Variants in DCTN4 observed in about 807,000 individuals in gnomAD.
DCTN4 encodes the protein dynactin 4 (p62).
In DCTN4, 23 loss-of-function variants were observed where a neutral mutation model predicts 62.7. That is an observed-to-expected ratio of 0.37 (90% CI 0.26 to 0.52). DCTN4 has a LOEUF of 0.52. Among genes scored for constraint, DCTN4 ranks in the 20% least tolerant of loss-of-function variants. The pLI is 0.92. For synonymous variants in DCTN4, 199 were observed against 202.1 expected, an observed-to-expected ratio of 0.98 and a Z score of 0.13; for missense variants, 514 against 580.4, an observed-to-expected ratio of 0.89 and a Z score of 1.18.
intron 4 of DCTN4, 93 bp downstream of exon 4, chr5:150,742,021 A>C: frequency 9.4e-7 from 1 of 1,058,708 alleles, no homozygotes. Context: ...ACTTATAAAC[A>C]CAGCTCATAT....
chr5:150,732,897 A>G (rs1760436261), intron 5 of DCTN4, among the ~76,000 whole-genome samples: 1 of 152,210 alleles, frequency 6.6e-6, no homozygotes, highest in Non-Finnish European at 1.5e-5. Context: ...CAAGTGCACT[A>G]TGTAAAAAGT....
chr5:150,757,014 T>C (rs113335690), intron 1 of DCTN4, among the ~76,000 whole-genome samples: 2 of 152,220 alleles, frequency 1.3e-5, no homozygotes, highest in Non-Finnish European at 2.9e-5. Context: ...AACAAATTAA[T>C]GGGACAGTCT....
At chr5:150,746,101 A>G (rs1331675215) in intron 3 of DCTN4, among the ~76,000 whole-genome samples, 1 of 151,442 alleles carries the variant, frequency 6.6e-6, no homozygotes, top group Non-Finnish European at 1.5e-5. Flanking sequence ...AAAAAATGAT[A>G]AAGGGGATAT....
intron 12 of DCTN4, among the ~76,000 whole-genome samples, chr5:150,714,240 G>T (rs1045469585): frequency 1.3e-5 from 2 of 152,150 alleles, no homozygotes; most frequent in Non-Finnish European, 2.9e-5. Flanking sequence ...GTATCTGCTG[G>T]ATCGGATGGC....
chr5:150,729,042 CTTTTTTTTTTTTT>C (rs61106544), intron 8 of DCTN4, among the ~76,000 whole-genome samples: 93 of 52,146 alleles, frequency 1.8e-3, no homozygotes, highest in African/African-American at 5.6e-3. Context: ...ACCACACTGG[CTTTTTTTTTTTTT>C]TTTTTTTTTT....
At chr5:150,725,368 T>A (rs1198051946) in intron 8 of DCTN4, among the ~76,000 whole-genome samples, 1 of 151,726 alleles carries the variant, frequency 6.6e-6, no homozygotes, top group African/African-American at 2.4e-5. Context: ...TATATAACCA[T>A]ATTTATATAA....
chr5:150,734,627 T>C (rs1474498735), intron 4 of DCTN4, among the ~76,000 whole-genome samples: 1 of 151,920 alleles, frequency 6.6e-6, no homozygotes, highest in Admixed American at 6.6e-5. Context: ...GGAGAGCAAA[T>C]TTTCCTGGGC....
At chr5:150,745,558 A>G (rs987739486) in intron 3 of DCTN4, among the ~76,000 whole-genome samples, 4 of 152,238 alleles carry the variant, frequency 2.6e-5, no homozygotes, top group African/African-American at 9.6e-5. Flanking sequence ...TCTCCTCAGC[A>G]AATGTAAAAT....
At chr5:150,720,578 A>AAGTGACATTCCCACCTCAGCCTCCC (rs1298681972) in intron 9 of DCTN4, among the ~76,000 whole-genome samples, 1 of 151,682 alleles carries the variant, frequency 6.6e-6, no homozygotes, top group Non-Finnish European at 1.5e-5. Context: ...CCCCAGGCTC[A>AAGTGACATTCCCACCTCAGCCTCCC]AGTGACATTC....
intron 9 of DCTN4, among the ~76,000 whole-genome samples, chr5:150,720,474 G>A (rs1759918161): frequency 6.6e-6 from 1 of 151,238 alleles, no homozygotes; most frequent in Non-Finnish European, 1.5e-5. Flanking sequence ...TGATACCAGA[G>A]CTCTGTATTT....
chr5:150,756,426 T>C lies in DCTN4; in HGVS notation c.197A>G (p.Lys66Arg). 1 of 1,599,002 alleles carries C rather than the reference T, an allele frequency of 6.3e-7. No homozygotes were observed. The highest frequency in any genetic ancestry group is 8.5e-7 in the Non-Finnish European group (1 of 1,173,652). Residue 66 changes from lysine (K) to arginine (R), a missense_variant, in exon 2 of 13, where the codon AAA becomes AGA. Coordinates refer to ENST00000447998, the MANE Select transcript of DCTN4 (RefSeq NM_016221.4). The part of the protein sequence containing the change: ...ENMPSAEAKL[K>R]KNRCANCFDC... Reference sequence around the variant, plus strand: ...TCAGTCCAGGTCTTACCTATTCTTTTTTAGTTTGGCTTCAGCCGATGGCAT... The same window carrying C: ...TCAGTCCAGGTCTTACCTATTCTTTCTTAGTTTGGCTTCAGCCGATGGCAT...
chr5:150,749,480 T>C (rs1752591764), intron 3 of DCTN4, among the ~76,000 whole-genome samples: 1 of 152,124 alleles, frequency 6.6e-6, no homozygotes, highest in South Asian at 2.1e-4. Context: ...ACTCTCCTAA[T>C]TTGCTGGGGA....
At chr5:150,726,537 C>A (rs1561694555) in intron 8 of DCTN4, among the ~76,000 whole-genome samples, 2 of 152,146 alleles carry the variant, frequency 1.3e-5, no homozygotes, top group Non-Finnish European at 2.9e-5. Context: ...TTATAAATCA[C>A]CATTAAAAAC....
At chr5:150,743,809 C>A (rs1200131145) in intron 3 of DCTN4, among the ~76,000 whole-genome samples, 1 of 152,012 alleles carries the variant, frequency 6.6e-6, no homozygotes, top group Non-Finnish European at 1.5e-5. Flanking sequence ...TCATCAAAGA[C>A]CAAAAGTAGA....
intron 4 of DCTN4, among the ~76,000 whole-genome samples, chr5:150,738,755 A>T (rs927599550): frequency 1.3e-5 from 2 of 152,230 alleles, no homozygotes; most frequent in Non-Finnish European, 2.9e-5. Context: ...TGGAAGTCTT[A>T]GCCAGAGCAA....
chr5:150,727,650 C>A (rs1169487415), intron 8 of DCTN4, among the ~76,000 whole-genome samples: 1 of 151,472 alleles, frequency 6.6e-6, no homozygotes, highest in Admixed American at 6.6e-5. Flanking sequence ...GTGGCGGGCG[C>A]CTGTAGTCCC....
At chr5:150,758,746 G>C in intron 1 of DCTN4, 113 bp downstream of exon 1, 3 of 1,465,880 alleles carry the variant, frequency 2.0e-6, no homozygotes, top group Non-Finnish European at 2.8e-6. Flanking sequence ...AGTGACGGAA[G>C]ACATAACCAA....
chr5:150,749,313 A>C (rs758954529), intron 3 of DCTN4, among the ~76,000 whole-genome samples: 1 of 152,252 alleles, frequency 6.6e-6, no homozygotes, highest in Non-Finnish European at 1.5e-5. Flanking sequence ...AAGTAGGGAA[A>C]AGATTTGTAC....
chr5:150,756,594 A>G (rs919675972), intron 1 of DCTN4, 107 bp from the exon 2 acceptor site: 33 of 566,684 alleles, frequency 5.8e-5, no homozygotes, highest in African/African-American at 5.5e-4. Context: ...CTGTAGCAGA[A>G]AGTAGACTGT....
Sources: gnomAD v4.1 joint callset for allele counts (sites outside exome capture counted in the v4.1 genomes callset) on GRCh38, gnomAD v4.1.1 for gene constraint, MANE v1.5 for transcripts, NCBI Gene and HGNC (gene_info 2026-07-23, HGNC 2026-07-21) for gene names.